The following SHANK2 variants were observed in gnomAD, a reference collection of about 807,000 sequenced individuals.
SHANK2 encodes the protein SH3 and multiple ankyrin repeat domains 2, also known as SH3 and multiple ankyrin repeat domains protein 2.
SHANK2 carries 43 observed loss-of-function variants against 133.7 expected under a neutral mutation model. The ratio of observed to expected loss-of-function variants is 0.32; its 90% CI spans 0.25 to 0.41. The LOEUF (loss-of-function observed/expected upper bound fraction) is 0.41, where lower values mean the gene tolerates loss of function less well. Among genes scored for constraint, SHANK2 ranks in the 10% least tolerant of loss-of-function variants. SHANK2 has a pLI of 1.00. For missense variants in SHANK2, 1,994 were observed against 2,235.8 expected, an observed-to-expected ratio of 0.89 and a Z score of 2.18; for synonymous variants, 1,017 against 952.8, an observed-to-expected ratio of 1.07 and a Z score of -1.24.
intron 17 of SHANK2, among the ~76,000 whole-genome samples, chr11:70,577,236 A>G (rs1368867146): frequency 6.6e-6 from 1 of 152,324 alleles, no homozygotes; most frequent in East Asian, 1.9e-4. Flanking sequence ...TTTTCTGGAA[A>G]GCATGATAAG....
chr11:70,740,476 C>T (rs1269350074), intron 14 of SHANK2, among the ~76,000 whole-genome samples: 4 of 152,098 alleles, frequency 2.6e-5, no homozygotes, highest in African/African-American at 4.8e-5. Flanking sequence ...GAAGCTTCCC[C>T]GGTCTTTTCT....
intron 15 of SHANK2, among the ~76,000 whole-genome samples, chr11:70,683,829 G>T (rs1555018929): frequency 6.6e-6 from 1 of 151,760 alleles, no homozygotes; most frequent in Non-Finnish European, 1.5e-5. Context: ...TGTTGCCCAG[G>T]CTGGAGTGCA....
intron 17 of SHANK2, among the ~76,000 whole-genome samples, chr11:70,564,376 A>C (rs1357799708): frequency 6.6e-6 from 1 of 151,778 alleles, no homozygotes; most frequent in Non-Finnish European, 1.5e-5. Context: ...CTCCTGACTC[A>C]GTCTCCCAAA....
At chr11:70,933,160 T>C (rs1950524902) in intron 10 of SHANK2, 1 of 456,560 alleles carries the variant, frequency 2.2e-6, no homozygotes, top group Non-Finnish European at 4.4e-6. Flanking sequence ...GGTGCATCCA[T>C]GCAGGTGGAA....
intron 21 of SHANK2, among the ~76,000 whole-genome samples, chr11:70,497,757 C>A (rs1229868789): frequency 1.3e-5 from 2 of 152,232 alleles, no homozygotes; most frequent in Non-Finnish European, 2.9e-5. Context: ...CAGCAAATCA[C>A]AAGGGAGTCA....
intron 2 of SHANK2, among the ~76,000 whole-genome samples, chr11:71,163,022 G>A (rs554703563): frequency 2.8e-5 from 4 of 144,114 alleles, no homozygotes; most frequent in South Asian, 2.3e-4. Context: ...GCAGTGAGCC[G>A]AGATCGCGCC....
intron 1 of SHANK2, among the ~76,000 whole-genome samples, chr11:71,234,857 C>T (rs1555123493): frequency 6.6e-6 from 1 of 152,084 alleles, no homozygotes; most frequent in Non-Finnish European, 1.5e-5. Flanking sequence ...TCACACCCTC[C>T]CCCTCTAATA....
intron 14 of SHANK2, among the ~76,000 whole-genome samples, chr11:70,711,391 T>C (rs1945780449): frequency 6.6e-6 from 1 of 152,260 alleles, no homozygotes; most frequent in Non-Finnish European, 1.5e-5. Context: ...GCTCAGGCTG[T>C]GCCCAGGCTG....
intron 11 of SHANK2, among the ~76,000 whole-genome samples, chr11:70,852,970 C>T (rs1555066008): frequency 6.6e-6 from 1 of 152,236 alleles, no homozygotes; most frequent in African/African-American, 2.4e-5. Flanking sequence ...AGGCAACGTT[C>T]CCTGAACCAG....
intron 3 of SHANK2, among the ~76,000 whole-genome samples, chr11:71,119,765 C>A (rs1483527938): frequency 1.3e-5 from 2 of 152,062 alleles, no homozygotes; most frequent in Non-Finnish European, 2.9e-5. Context: ...CTGGGTGGGA[C>A]CTGAGAACCT....
chr11:70,494,486 G>C (rs1002904235), intron 21 of SHANK2, among the ~76,000 whole-genome samples: 1 of 152,132 alleles, frequency 6.6e-6, no homozygotes, highest in Non-Finnish European at 1.5e-5. Flanking sequence ...TAGAGACGGG[G>C]TTTCACCATG....
intron 10 of SHANK2, among the ~76,000 whole-genome samples, chr11:70,939,518 A>G (rs899959126): frequency 1.3e-5 from 2 of 152,092 alleles, no homozygotes; most frequent in African/African-American, 2.4e-5. Context: ...AATTTCCAAA[A>G]AAGAGGCTAG....
intron 10 of SHANK2, chr11:70,908,090 C>T (rs1300685399): frequency 5.0e-5 from 11 of 219,952 alleles, no homozygotes; most frequent in Non-Finnish European, 8.6e-5. Context: ...AGTGAGAGTC[C>T]ATCTCAAAAA....
At chr11:70,785,272 C>G (rs1304118936) in intron 14 of SHANK2, among the ~76,000 whole-genome samples, 7 of 152,330 alleles carry the variant, frequency 4.6e-5, no homozygotes, top group Non-Finnish European at 8.8e-5. Context: ...ATCTTACCCC[C>G]AGACTTGAGG....
intron 2 of SHANK2, among the ~76,000 whole-genome samples, chr11:71,208,751 T>C (rs1194353327): frequency 6.6e-6 from 1 of 152,090 alleles, no homozygotes; most frequent in Admixed American, 6.5e-5. Context: ...CCAAGGCAGG[T>C]TGGAGGCTTA....
At chr11:71,085,868 ATT>A (rs1951393034) in intron 8 of SHANK2, among the ~76,000 whole-genome samples, 2 of 932 alleles carry the variant, frequency 2.1e-3, no homozygotes, top group African/African-American at 0.012. Context: ...ATTTTAATAT[ATT>A]ATATATTTAT....
At chr11:71,081,927 G>T (rs1310644206) in intron 8 of SHANK2, among the ~76,000 whole-genome samples, 2 of 152,184 alleles carry the variant, frequency 1.3e-5, no homozygotes, top group Non-Finnish European at 2.9e-5. Flanking sequence ...ACCTGGCAGG[G>T]ACCCCACACT....
intron 11 of SHANK2, among the ~76,000 whole-genome samples, chr11:70,885,903 C>T (rs540999516): frequency 6.6e-5 from 10 of 152,294 alleles, no homozygotes; most frequent in East Asian, 1.9e-4. Flanking sequence ...CAGTCAACTC[C>T]GCTTTACAAT....
chr11:70,844,027 T>G (rs1305816312), intron 11 of SHANK2, among the ~76,000 whole-genome samples: 1 of 152,142 alleles, frequency 6.6e-6, no homozygotes, highest in Non-Finnish European at 1.5e-5. Flanking sequence ...CACACTGTGC[T>G]GCGTGCACCA....
Sources: allele counts gnomAD v4.1 joint callset (sites outside exome capture counted in the v4.1 genomes callset), GRCh38; gene constraint gnomAD v4.1.1; transcripts MANE v1.5; gene names NCBI Gene and HGNC (gene_info 2026-07-23, HGNC 2026-07-21).